SMG1: variants seen among roughly 807,000 people sequenced by gnomAD.
SMG1 encodes serine/threonine-protein kinase SMG1.
In SMG1, 22 loss-of-function variants were observed where a neutral mutation model predicts 419.9. The ratio of observed to expected loss-of-function variants is 0.05; its 90% CI spans 0.04 to 0.07. SMG1 has a LOEUF of 0.07. SMG1 is among the 10% of genes least tolerant of loss of function. The probability of loss-of-function intolerance (pLI) is 1.00; values close to 1 mark genes in which losing one functional copy is unlikely to be tolerated. For missense variants in SMG1, 3,185 were observed against 4,342.0 expected (o/e 0.73, Z 7.49); for synonymous variants, 1,538 against 1,553.5 (o/e 0.99, Z 0.23).
chr16:18,816,276 A>G, intron 58 of SMG1, 26 bp downstream of exon 58: 2 of 1,545,870 alleles, frequency 1.3e-6, no homozygotes, highest in South Asian at 2.3e-5. Flanking sequence ...GGGAGAGTAA[A>G]TGTGTGTTCA....
chr16:18,893,913 C>T (rs774757589), intron 3 of SMG1, among the ~76,000 whole-genome samples: 10 of 151,672 alleles, frequency 6.6e-5, no homozygotes, highest in Non-Finnish European at 1.2e-4. Context: ...AAAAATTAGC[C>T]GGGCGTGGTG....
intron 58 of SMG1, chr16:18,815,958 T>C (rs1173498706): frequency 6.6e-6 from 3 of 451,250 alleles, no homozygotes; most frequent in Non-Finnish European, 1.2e-5. Context: ...TCATTCATTT[T>C]GGAGGCAAAC....
intron 16 of SMG1, among the ~76,000 whole-genome samples, chr16:18,871,125 T>G (rs185681861): frequency 7.9e-5 from 12 of 152,136 alleles, no homozygotes; most frequent in Admixed American, 3.9e-4. Context: ...TGAGAGAAAA[T>G]GTAAAAGTAT....
chr16:18,855,624 G>A (rs904527791), intron 29 of SMG1, among the ~76,000 whole-genome samples: 4 of 152,130 alleles, frequency 2.6e-5, no homozygotes, highest in African/African-American at 7.2e-5. Flanking sequence ...GGCACAGGAT[G>A]AGCCGGCTGC....
At chr16:18,886,233 T>C (rs2036606352) in intron 6 of SMG1, among the ~76,000 whole-genome samples, 1 of 152,008 alleles carries the variant, frequency 6.6e-6, no homozygotes, top group African/African-American at 2.4e-5. Context: ...ATAAAGCAAA[T>C]TTTATATAAT....
In SMG1 at chr16:18,835,145, G is replaced by A; in HGVS notation, c.8077C>T (p.Pro2693Ser). ...TGACACACTGTTGGGGGTGGCTGGG[G>A]AGCATATTGCATTTCATATCTATAA... Reference protein sequence around the residue: ...LYRKYEMQYAPQPPPTVCQFI... With the variant: ...LYRKYEMQYASQPPPTVCQFI... Residue 2693 changes from proline (P) to serine (S), a missense_variant, in exon 49 of 63, where the codon CCC (proline) becomes TCC (serine). Coordinates refer to ENST00000446231, the MANE Select transcript of SMG1 (RefSeq NM_015092.5). 1 of 1,610,976 alleles carries A rather than the reference G, an allele frequency of 6.2e-7. No homozygotes were observed. The highest frequency in any genetic ancestry group is 1.3e-5 in the African/African-American group (1 of 74,972).
chr16:18,858,206 T>A lies in SMG1; in HGVS notation c.4198A>T (p.Thr1400Ser). The change falls in exon 29 of 63, where the codon ACT becomes TCT. Residue 1400 changes from threonine to serine, a missense_variant. Thr to Ser is a moderately conservative substitution (Grantham distance 58). Around this residue, in one of 27 missense-constraint regions of SMG1, gnomAD observed 493 missense variants for 552.9 expected, o/e 0.89. Coordinates refer to ENST00000446231, the MANE Select transcript of SMG1 (RefSeq NM_015092.5). ...VRPWMQALRY[T>S]MYQNQLLEKI... ...TCCAACAACTGATTCTGGTACATAGTATACCTTAATGCCTGCATCCATGGC... is the reference window on the plus strand; with the variant it reads ...TCCAACAACTGATTCTGGTACATAGAATACCTTAATGCCTGCATCCATGGC... 6.3e-7 allele frequency: 1 copy of A among 1,596,516 alleles called. No homozygotes were observed. Among genetic ancestry groups the A allele is most frequent in the East Asian group, 2.2e-5 (1 of 44,488 alleles).
chr16:18,857,033 G>A (rs752308009), intron 29 of SMG1: 9 of 152,154 alleles, frequency 5.9e-5, no homozygotes, highest in Non-Finnish European at 1.2e-4. Context: ...AACTGAAGAG[G>A]AAAGCAGTTC....
At chr16:18,836,762 T>C (rs770917544) in intron 46 of SMG1, among the ~76,000 whole-genome samples, 34 of 152,334 alleles carry the variant, frequency 2.2e-4, no homozygotes, top group Non-Finnish European at 2.8e-4. Context: ...TTTAGGTTCC[T>C]TGAAGGTTAG....
chr16:18,909,081 A>C (rs183935827), intron 1 of SMG1, among the ~76,000 whole-genome samples: 1 of 150,494 alleles, frequency 6.6e-6, no homozygotes, highest in Non-Finnish European at 1.5e-5. Context: ...GGTGGCTCAC[A>C]CCTGTAATCC....
chr16:18,835,224 A>C (rs563168547), intron 48 of SMG1, 60 bp from the exon 49 acceptor site: 9 of 1,489,530 alleles, frequency 6.0e-6, no homozygotes, highest in African/African-American at 5.6e-5. Flanking sequence ...ATACAAAAGA[A>C]TATTGCATTT....
intron 56 of SMG1, among the ~76,000 whole-genome samples, chr16:18,818,724 G>A (rs116458426): frequency 0.013 from 1,952 of 151,566 alleles, 53 homozygotes; most frequent in African/African-American, 0.045. Flanking sequence ...TCATGTATTA[G>A]TCCAATTTTG....
chr16:18,863,495 C>A (rs190479189), intron 25 of SMG1, among the ~76,000 whole-genome samples, 155 bp downstream of exon 25: 1 of 152,198 alleles, frequency 6.6e-6, no homozygotes, highest in Non-Finnish European at 1.5e-5. Flanking sequence ...TCACCTCTGA[C>A]GTCAGTTTCC....
At chr16:18,817,118 CG>C (rs11332992) in intron 57 of SMG1, among the ~76,000 whole-genome samples, 172 bp downstream of exon 57, 35,070 of 83,320 alleles carry the variant, frequency 0.42, 8,136 homozygotes, top group East Asian at 0.49. Context: ...TGTTTCGGGG[CG>C]GGGGGGGGGG....
chr16:18,833,257 C>G (rs78894267), intron 50 of SMG1, 91 bp from the exon 51 acceptor site: 27,112 of 840,656 alleles, frequency 0.032, 541 homozygotes, highest in Non-Finnish European at 0.04. Flanking sequence ...TAAGAGCAAA[C>G]TTATGTAACT....
chr16:18,916,157 T>C (rs66740388), intron 1 of SMG1, among the ~76,000 whole-genome samples: 44,932 of 137,240 alleles, frequency 0.33, 7,670 homozygotes, highest in Non-Finnish European at 0.4. Flanking sequence ...AGCACCACAA[T>C]AGAATTCAAA....
intron 55 of SMG1, among the ~76,000 whole-genome samples, chr16:18,827,352 A>AG (rs1833037189): frequency 1.3e-5 from 2 of 150,612 alleles, no homozygotes; most frequent in African/African-American, 4.9e-5. Context: ...CTTGAACCCG[A>AG]GAGGCAGAGG....
chr16:18,826,802 C>A lies in SMG1; in HGVS notation c.9741+1229G>T, dbSNP rs572113223. On this transcript the variant is annotated intron_variant, in intron 55 of 62. Coordinates refer to ENST00000446231, the MANE Select transcript of SMG1 (RefSeq NM_015092.5). ...TGGGCTCCACCCAGTTCGAGCTTCC[C>A]GGCTGCTTTGTTTACCTAAGCAAGC... Among the ~76,000 whole-genome samples the A allele has an allele frequency of 2.5e-4, 8 of 32,264 alleles. 2 individuals carry two copies. The highest frequency in any genetic ancestry group is 1.1e-3 in the South Asian group (1 of 876). The allele number at this position is 32,264 out of a possible 152,430, so 21.2% of individuals were successfully genotyped here. A position where few individuals can be genotyped will look rare whatever the true frequency, so the allele number is the denominator to read the frequency against.
intron 36 of SMG1, among the ~76,000 whole-genome samples, chr16:18,848,737 T>C (rs1596514899): frequency 6.6e-6 from 1 of 152,092 alleles, no homozygotes; most frequent in African/African-American, 2.4e-5. Context: ...TGGTGCCAGA[T>C]ACATAGTAGT....
Sources: gnomAD v4.1 joint callset for allele counts (sites outside exome capture counted in the v4.1 genomes callset) on GRCh38, gnomAD v4.1.1 for gene constraint, gnomAD v4.1.1 regional missense constraint, MANE v1.5 for transcripts, NCBI Gene and HGNC (gene_info 2026-07-23, HGNC 2026-07-21) for gene names.